The following SUSD1 variants were observed in gnomAD, a reference collection of about 807,000 sequenced individuals.
SUSD1 encodes sushi domain-containing protein 1.
SUSD1 carries 65 observed loss-of-function variants against 86.9 expected under a neutral mutation model. The observed-to-expected ratio is 0.75, with a 90% CI of 0.61 to 0.92. The LOEUF is 0.92. SUSD1 is among the 40% of genes least tolerant of loss of function. The pLI is 0.00. For synonymous variants in SUSD1, 346 were observed against 350.0 expected, an observed-to-expected ratio of 0.99 and a Z score of 0.13; for missense variants, 850 against 929.7, an observed-to-expected ratio of 0.91 and a Z score of 1.11.
intron 12 of SUSD1, 109 bp from the exon 13 acceptor site, chr9:112,063,142 C>T (rs898830613): frequency 7.7e-5 from 49 of 640,232 alleles, no homozygotes; most frequent in Non-Finnish European, 1.1e-4. Context: ...ATTTCAGAAG[C>T]GAGGAGCCTA....
At position 112,090,788 on chromosome 9, in the gene SUSD1, C is replaced by T. The variant is rs542224105; in HGVS notation, c.1474+7682G>A. 2.0e-4 allele frequency among the ~76,000 whole-genome samples: 30 copies of T among 152,226 alleles called. No homozygotes were observed. The South Asian group carries it at 2.5e-3, about 13-fold the overall frequency. On this transcript the variant is annotated intron_variant, in intron 10 of 16. Coordinates refer to ENST00000374270, the MANE Select transcript of SUSD1 (RefSeq NM_022486.5). ...TTAAAATATCTTGTAGTTAGCTTTC[C>T]TTTGCATGGCACTAAGGAATATTTT...
At chr9:112,066,807 G>A (rs1160948979) in intron 12 of SUSD1, among the ~76,000 whole-genome samples, 1 of 152,160 alleles carries the variant, frequency 6.6e-6, no homozygotes, top group Admixed American at 6.5e-5. Context: ...ATTATGGATT[G>A]CCATTCCCCA....
chr9:112,091,111 T>C (rs1187870838), intron 10 of SUSD1, among the ~76,000 whole-genome samples: 3 of 152,268 alleles, frequency 2.0e-5, no homozygotes, highest in East Asian at 1.9e-4. Flanking sequence ...CAGATGATTG[T>C]ATATTCCATG....
At chr9:112,080,430 G>A (rs778990278) in intron 10 of SUSD1, among the ~76,000 whole-genome samples, 2 of 152,186 alleles carry the variant, frequency 1.3e-5, no homozygotes, top group Non-Finnish European at 2.9e-5. Context: ...GCTCACGCCT[G>A]TAACCCCAGC....
chr9:112,082,054 G>A (rs75420792), intron 10 of SUSD1, among the ~76,000 whole-genome samples: 1 of 152,118 alleles, frequency 6.6e-6, no homozygotes, highest in African/African-American at 2.4e-5. Context: ...ATACAAGGAT[G>A]TCTGGTCTTG....
intron 2 of SUSD1, among the ~76,000 whole-genome samples, chr9:112,154,898 G>T (rs947356992): frequency 3.9e-5 from 6 of 152,140 alleles, no homozygotes; most frequent in Non-Finnish European, 7.3e-5. Flanking sequence ...CCTGGGAGTA[G>T]TACCACATAA....
chr9:112,141,901 A>G (rs965207179), intron 5 of SUSD1, among the ~76,000 whole-genome samples: 2 of 143,570 alleles, frequency 1.4e-5, no homozygotes, highest in African/African-American at 5.2e-5. Flanking sequence ...GTATATATAT[A>G]TGTTCATTCC....
In SUSD1 at chr9:112,047,388, G is replaced by A. The variant is rs1229347645; in HGVS notation, c.2149+5011C>T. ...GACATGAGATTTGGGTGGGTACATAGAAGAAAACCGTATTAGGGCCTTACG... is the reference window on the plus strand; with the variant it reads ...GACATGAGATTTGGGTGGGTACATAAAAGAAAACCGTATTAGGGCCTTACG... On this transcript the variant is annotated intron_variant, in intron 15 of 16. Transcript: ENST00000374270. 3.3e-5 allele frequency among the ~76,000 whole-genome samples: 5 copies of A among 152,156 alleles called. No individual in the cohort carries two copies. The East Asian group carries it at 9.6e-4, about 29-fold the overall frequency.
At chr9:112,055,161 C>T (rs1017084383) in intron 14 of SUSD1, among the ~76,000 whole-genome samples, 3 of 152,198 alleles carry the variant, frequency 2.0e-5, no homozygotes, top group African/African-American at 4.8e-5. Context: ...AGTGGTGGCT[C>T]ATGCCTATAA....
At chr9:112,160,281 C>A (rs557791472) in intron 1 of SUSD1, among the ~76,000 whole-genome samples, 1 of 152,146 alleles carries the variant, frequency 6.6e-6, no homozygotes, top group African/African-American at 2.4e-5. Context: ...GAGTGGCTCA[C>A]GCCTGTAATC....
At chr9:112,087,816 A>C (rs545653526) in intron 10 of SUSD1, among the ~76,000 whole-genome samples, 6 of 152,364 alleles carry the variant, frequency 3.9e-5, no homozygotes, top group African/African-American at 1.4e-4. Flanking sequence ...TTAAAACTAC[A>C]ATTCAAGATA....
At chr9:112,154,052 G>A (rs1833183480) in intron 2 of SUSD1, among the ~76,000 whole-genome samples, 1 of 152,080 alleles carries the variant, frequency 6.6e-6, no homozygotes, top group Non-Finnish European at 1.5e-5. Context: ...TAGGTGATAG[G>A]AATTTTTCAG....
intron 10 of SUSD1, among the ~76,000 whole-genome samples, chr9:112,083,832 C>T (rs959097841): frequency 1.3e-5 from 2 of 152,168 alleles, no homozygotes; most frequent in African/African-American, 4.8e-5. Context: ...ACTTTCTCGC[C>T]ATCCACTGAC....
At chr9:112,155,773 G>A (rs934801978) in intron 2 of SUSD1, among the ~76,000 whole-genome samples, 7 of 151,746 alleles carry the variant, frequency 4.6e-5, no homozygotes, top group Middle Eastern at 3.2e-3. Flanking sequence ...ACCACCCCGG[G>A]CAATGTAGTG....
chr9:112,114,677 T>C (rs1831238535), intron 6 of SUSD1, among the ~76,000 whole-genome samples: 1 of 152,142 alleles, frequency 6.6e-6, no homozygotes, highest in Non-Finnish European at 1.5e-5. Flanking sequence ...GTCCCATCCC[T>C]GGATGGGTTT....
At chr9:112,044,953 C>A (rs138620515) in intron 15 of SUSD1, among the ~76,000 whole-genome samples, 3 of 152,024 alleles carry the variant, frequency 2.0e-5, no homozygotes, top group Admixed American at 1.3e-4. Context: ...ACCTCAATAG[C>A]GAAATGAGAA....
intron 8 of SUSD1, among the ~76,000 whole-genome samples, chr9:112,108,756 T>C (rs190920573): frequency 5.1e-5 from 6 of 118,056 alleles, no homozygotes; most frequent in African/African-American, 2.1e-4. Context: ...GCAACCTGGG[T>C]GACAGAGCTG....
At chr9:112,162,365 A>G (rs957613346) in intron 1 of SUSD1, among the ~76,000 whole-genome samples, 1 of 152,200 alleles carries the variant, frequency 6.6e-6, no homozygotes, top group African/African-American at 2.4e-5. Context: ...TCATGATGCC[A>G]TTGAGAGATG....
chr9:112,115,409 C>A (rs1831270135), intron 6 of SUSD1, among the ~76,000 whole-genome samples: 1 of 152,228 alleles, frequency 6.6e-6, no homozygotes, highest in Non-Finnish European at 1.5e-5. Context: ...CAAACTCCTG[C>A]CGAGATACCA....
Sources: gnomAD v4.1 joint callset for allele counts (sites outside exome capture counted in the v4.1 genomes callset) on GRCh38, gnomAD v4.1.1 for gene constraint, MANE v1.5 for transcripts, NCBI Gene and HGNC (gene_info 2026-07-23, HGNC 2026-07-21) for gene names.